Variants in PI4KA observed in about 807,000 individuals in gnomAD.
PI4KA encodes phosphatidylinositol 4-kinase alpha.
A neutral mutation model predicts 271.4 loss-of-function variants in PI4KA; 122 were observed. The observed-to-expected ratio is 0.45, with a 90% confidence interval of 0.39 to 0.52. The LOEUF (loss-of-function observed/expected upper bound fraction) is 0.52, where lower values mean the gene tolerates loss of function less well. PI4KA is among the 20% of genes least tolerant of loss of function. The pLI is 0.00. For synonymous variants in PI4KA, 1,041 were observed against 1,078.8 expected (o/e 0.96, Z 0.69); for missense variants, 1,969 against 2,769.1 (o/e 0.71, Z 6.48).
chr22:20,833,672 T>G (rs1924501359), intron 3 of PI4KA, among the ~76,000 whole-genome samples: 1 of 149,532 alleles, frequency 6.7e-6, no homozygotes, highest in African/African-American at 2.5e-5. Context: ...TTTTTTTTTT[T>G]TTTTTTGAGA....
At chr22:20,817,137 A>G (rs1921911271) in intron 7 of PI4KA, among the ~76,000 whole-genome samples, 1 of 152,200 alleles carries the variant, frequency 6.6e-6, no homozygotes, top group Non-Finnish European at 1.5e-5. Flanking sequence ...CAGATCTAAG[A>G]GATGGAAAGC....
At chr22:20,827,981 G>C (rs1216882518) in intron 3 of PI4KA, among the ~76,000 whole-genome samples, 1 of 152,112 alleles carries the variant, frequency 6.6e-6, no homozygotes, top group East Asian at 1.9e-4. Flanking sequence ...TTTTAGCAGA[G>C]ATGGGTTTCA....
Position 20,710,700 on chromosome 22 carries a change from G to T in PI4KA, c.6082C>A (p.Arg2028=). Residue 2028 remains arginine (R), a splice_region_variant and synonymous_variant, in exon 52 of 55, where the codon CGG becomes AGG. Coordinates refer to ENST00000255882, the MANE Select transcript of PI4KA (RefSeq NM_058004.4). ...ACCCTGGCCCTCACCCAGGCTCACC[G>T]CACAGCCAGGTAGCCTCGGACACAC... ...EMCVRGYLAV[R]PYMDAVVSLV... 1 of 1,614,046 alleles carries T rather than the reference G, an allele frequency of 6.2e-7. No individual in the cohort carries two copies. Among genetic ancestry groups the T allele is most frequent in the Non-Finnish European group, 8.5e-7 (1 of 1,179,884 alleles).
chr22:20,744,233 A>C (rs941191742), intron 30 of PI4KA, among the ~76,000 whole-genome samples: 1 of 152,160 alleles, frequency 6.6e-6, no homozygotes, highest in Non-Finnish European at 1.5e-5. Context: ...ACCCCACTCC[A>C]CTTGTGCGAC....
chr22:20,713,785 G>C (rs1925641951), intron 47 of PI4KA, among the ~76,000 whole-genome samples: 1 of 152,230 alleles, frequency 6.6e-6, no homozygotes, highest in Admixed American at 6.5e-5. Flanking sequence ...TCCCTGCAAG[G>C]GGTGGCAGCC....
At chr22:20,831,592 AAAAC>A (rs1393273755) in intron 3 of PI4KA, among the ~76,000 whole-genome samples, 5 of 109,222 alleles carry the variant, frequency 4.6e-5, no homozygotes, top group Non-Finnish European at 9.6e-5. Context: ...AACAAAAACA[AAAAC>A]AAAAACAAAA....
At chr22:20,753,782 G>C (rs1026496630) in intron 23 of PI4KA, among the ~76,000 whole-genome samples, 1 of 152,026 alleles carries the variant, frequency 6.6e-6, no homozygotes, top group African/African-American at 2.4e-5. Flanking sequence ...CGCCTCCTGG[G>C]TTCACGCCAT....
chr22:20,749,977 G>A lies in PI4KA; in HGVS notation c.3171C>T (p.Phe1057=), dbSNP rs146663036. 4.7e-5 allele frequency: 76 copies of A among 1,612,834 alleles called. No homozygotes were observed. Among genetic ancestry groups the A allele is most frequent in the East Asian group, 6.7e-5 (3 of 44,876 alleles). Residue 1057 remains phenylalanine, a synonymous_variant, in exon 28 of 55, where the codon TTC becomes TTT. Transcript: ENST00000255882. Reference sequence around the variant, plus strand: ...GGAGGATCATCCCACAGCGTGCAGCGAAGTCCTTCACAATGCTCTGGAAGA... The same window carrying A: ...GGAGGATCATCCCACAGCGTGCAGCAAAGTCCTTCACAATGCTCTGGAAGA... The part of the protein sequence containing the change: ...YEARESIVKD[F]AARCGMILQE...
chr22:20,838,550 C>G, intron 2 of PI4KA, 65 bp downstream of exon 2: 1 of 894,400 alleles, frequency 1.1e-6, no homozygotes, highest in Non-Finnish European at 1.9e-6. Flanking sequence ...TAAGCAGATA[C>G]AAACTTAAAC....
chr22:20,817,113 C>G (rs1403850940), intron 7 of PI4KA, among the ~76,000 whole-genome samples: 3 of 152,156 alleles, frequency 2.0e-5, no homozygotes, highest in Non-Finnish European at 4.4e-5. Context: ...AGAATGTAAC[C>G]TGTTACATTC....
chr22:20,810,220 G>C (rs1412898141), intron 9 of PI4KA, among the ~76,000 whole-genome samples: 1 of 152,048 alleles, frequency 6.6e-6, no homozygotes, highest in Non-Finnish European at 1.5e-5. Flanking sequence ...AAAGACAAGA[G>C]TTCCAGCCGG....
chr22:20,723,569 G>A (rs1301926601), intron 42 of PI4KA, among the ~76,000 whole-genome samples: 7 of 151,444 alleles, frequency 4.6e-5, no homozygotes, highest in Non-Finnish European at 7.4e-5. Context: ...GGTGGCTCAC[G>A]CCCGTAATCC....
chr22:20,728,522 A>C (rs544791778), intron 39 of PI4KA, among the ~76,000 whole-genome samples: 141 of 152,298 alleles, frequency 9.3e-4, no homozygotes, highest in Non-Finnish European at 1.7e-3. Context: ...CTGCTCATCC[A>C]GTGAGTCAGT....
intron 32 of PI4KA, among the ~76,000 whole-genome samples, chr22:20,739,359 A>G (rs1008631489): frequency 6.6e-6 from 1 of 150,706 alleles, no homozygotes; most frequent in Non-Finnish European, 1.5e-5. Context: ...AACAAAAAAA[A>G]GCAACAACAA....
chr22:20,772,077 T>C (rs915337163), intron 19 of PI4KA, among the ~76,000 whole-genome samples: 2 of 152,240 alleles, frequency 1.3e-5, no homozygotes, highest in Admixed American at 1.3e-4. Flanking sequence ...CACACATTCA[T>C]TAACCTCATT....
chr22:20,809,803 A>C (rs1035486602), intron 9 of PI4KA, among the ~76,000 whole-genome samples: 1 of 152,200 alleles, frequency 6.6e-6, no homozygotes, highest in East Asian at 1.9e-4. Context: ...GAGTTATAAG[A>C]ACTCTGTTAC....
intron 7 of PI4KA, among the ~76,000 whole-genome samples, chr22:20,817,834 A>C (rs1246818277): frequency 6.6e-6 from 1 of 150,864 alleles, no homozygotes; most frequent in Non-Finnish European, 1.5e-5. Context: ...TCATTAAAAA[A>C]AAATGTCCAG....
intron 43 of PI4KA, among the ~76,000 whole-genome samples, chr22:20,720,182 A>G (rs1926563271): frequency 6.6e-6 from 1 of 152,174 alleles, no homozygotes. Flanking sequence ...GTTTGATGTT[A>G]TAAAAGCTTT....
At chr22:20,725,714 A>G (rs1927267980) in intron 42 of PI4KA, 1 of 288,298 alleles carries the variant, frequency 3.5e-6, no homozygotes, top group South Asian at 3.0e-5. Flanking sequence ...GGGACAACAT[A>G]GCGAAACTCC....
Sources: allele counts gnomAD v4.1 joint callset (sites outside exome capture counted in the v4.1 genomes callset), GRCh38; gene constraint gnomAD v4.1.1; transcripts MANE v1.5; gene names NCBI Gene and HGNC (gene_info 2026-07-23, HGNC 2026-07-21).